The following CALY variants were observed in gnomAD, a reference collection of about 807,000 sequenced individuals.
CALY encodes neuron-specific vesicular protein calcyon.
CALY carries 15 observed loss-of-function variants against 20.2 expected under a neutral mutation model. The ratio of observed to expected loss-of-function variants is 0.74; its 90% CI spans 0.50 to 1.14. The LOEUF is 1.14. CALY is among the 50% of genes most tolerant of loss of function. CALY has a pLI of 0.00. For missense variants in CALY, 270 were observed against 304.4 expected, an observed-to-expected ratio of 0.89 and a Z score of 0.84; for synonymous variants, 129 against 131.8, an observed-to-expected ratio of 0.98 and a Z score of 0.15.
At chr10:133,332,237 C>T (rs180971807) in intron 1 of CALY, among the ~76,000 whole-genome samples, 14 of 152,284 alleles carry the variant, frequency 9.2e-5, no homozygotes, top group Non-Finnish European at 1.6e-4. Context: ...GAAAAAGTCC[C>T]ACGTGACACA....
At chr10:133,333,692 G>A (rs536452485) in intron 1 of CALY, among the ~76,000 whole-genome samples, 1 of 145,930 alleles carries the variant, frequency 6.9e-6, no homozygotes, top group East Asian at 2.1e-4. Flanking sequence ...GGCTCTGAGG[G>A]GGAAAGAAAG....
Position 133,325,800 on chromosome 10 carries a change from C to G in CALY, c.*27G>C. On this transcript the variant is annotated splice_region_variant and 3_prime_UTR_variant, in exon 5 of 6. Coordinates refer to ENST00000252939, the MANE Select transcript of CALY (RefSeq NM_015722.4). ...CGGAGCCCCGCGGCGCGCACCTACCCCGGGCCGGGCTGCGGGGCTGGAGAC... is the reference window on the plus strand; with the variant it reads ...CGGAGCCCCGCGGCGCGCACCTACCGCGGGCCGGGCTGCGGGGCTGGAGAC... The G allele has an allele frequency of 8.5e-7, 1 of 1,180,798 alleles. No individual in the cohort carries two copies. The highest frequency in any genetic ancestry group is 1.1e-6 in the Non-Finnish European group (1 of 950,168). 73.1% of individuals were successfully genotyped at this position (1,180,798 alleles called of 1,614,324 possible).
intron 2 of CALY, among the ~76,000 whole-genome samples, chr10:133,328,349 G>A (rs901191896): frequency 3.9e-5 from 6 of 152,174 alleles, no homozygotes; most frequent in African/African-American, 1.4e-4. Flanking sequence ...CGGGTCCCCA[G>A]CATAGATGCT....
intron 1 of CALY, among the ~76,000 whole-genome samples, chr10:133,336,608 AGAG>A (rs1848449614): frequency 6.6e-6 from 1 of 152,206 alleles, no homozygotes; most frequent in Non-Finnish European, 1.5e-5. Context: ...TGGGGCAGCC[AGAG>A]GAGGCCCGAG....
At chr10:133,330,654 T>A (rs1589854033) in intron 1 of CALY, among the ~76,000 whole-genome samples, 1 of 6,682 alleles carries the variant, frequency 1.5e-4, no homozygotes, top group Non-Finnish European at 7.0e-4. Flanking sequence ...AGAGACTCCG[T>A]CTCAAAAAAA....
At chr10:133,333,959 T>G in intron 1 of CALY, among the ~76,000 whole-genome samples, 1 of 36,600 alleles carries the variant, frequency 2.7e-5, no homozygotes, top group African/African-American at 1.5e-4. Flanking sequence ...GGGAAGGCTC[T>G]GAAGGGGAGG....
In CALY at chr10:133,324,521, C is replaced by G; in HGVS notation, c.*1074G>C. On this transcript the variant is annotated 3_prime_UTR_variant, in exon 6 of 6. Coordinates refer to ENST00000252939, the MANE Select transcript of CALY (RefSeq NM_015722.4). ...GGCTGGGGTGGGCGGGGCTGCAGTG[C>G]TGCAATTGGCTGGGGTGGGCGGGGC... is the stretch of plus-strand genomic sequence containing the variant. 2.6e-6 allele frequency: 1 copy of G among 379,346 alleles called. No individual in the cohort carries two copies. The highest frequency in any genetic ancestry group is 5.3e-6 in the Non-Finnish European group (1 of 187,750). The allele number at this position is 379,346 out of a possible 1,614,324, so 23.5% of individuals were successfully genotyped here.
chr10:133,330,809 C>T (rs929557876), intron 1 of CALY, among the ~76,000 whole-genome samples: 1 of 151,412 alleles, frequency 6.6e-6, no homozygotes, highest in African/African-American at 2.4e-5. Context: ...GAGCACTCAC[C>T]AGCTCCTGAG....
chr10:133,331,568 A>G (rs10857701), intron 1 of CALY, among the ~76,000 whole-genome samples: 2 of 152,090 alleles, frequency 1.3e-5, no homozygotes, highest in Non-Finnish European at 2.9e-5. Context: ...AAAAGAGCTG[A>G]GGAGCAGGGA....
intron 1 of CALY, among the ~76,000 whole-genome samples, 170 bp downstream of exon 1, chr10:133,336,664 G>T (rs924685689): frequency 6.6e-6 from 1 of 152,110 alleles, no homozygotes; most frequent in Non-Finnish European, 1.5e-5. Context: ...ACTCGCACCC[G>T]CACACGCGCC....
At position 133,329,379 on chromosome 10, in the gene CALY, T is replaced by TCTC. The variant is rs757885459; in HGVS notation, c.-20-371_-20-370insGAG. On this transcript the variant is annotated intron_variant, in intron 1 of 5. Transcript: ENST00000252939. ...ACAACCTCCTCTTTCTTATTCTCCTTCTTCTTCTTCTTCTTTTTTTTTTTT... is the reference window on the plus strand; with the variant it reads ...ACAACCTCCTCTTTCTTATTCTCCTTCTCCTTCTTCTTCTTCTTTTTTTTTTTT... Among the ~76,000 whole-genome samples the TCTC allele has an allele frequency of 2.1e-3, 250 of 120,200 alleles. 3 individuals are homozygous for TCTC. The highest frequency in any genetic ancestry group is 7.5e-3 in the African/African-American group (242 of 32,116). The allele number at this position is 120,200 out of a possible 152,430, so 78.9% of individuals were successfully genotyped here. A position where few individuals can be genotyped will look rare whatever the true frequency, so the allele number is the denominator to read the frequency against.
intron 2 of CALY, among the ~76,000 whole-genome samples, chr10:133,328,386 G>A (rs77098838): frequency 1.7e-3 from 265 of 152,266 alleles, no homozygotes; most frequent in Non-Finnish European, 3.3e-3. Context: ...GGGACAACTC[G>A]GGGTGCCCTT....
chr10:133,329,099 G>A (rs1848260710), intron 1 of CALY, 90 bp from the exon 2 acceptor site: 1 of 1,136,186 alleles, frequency 8.8e-7, no homozygotes, highest in Non-Finnish European at 1.2e-6. Flanking sequence ...CCTGAGCTGG[G>A]CCTAATGCTC....
intron 1 of CALY, among the ~76,000 whole-genome samples, chr10:133,333,159 C>G (rs1173656717): frequency 6.6e-6 from 1 of 151,592 alleles, no homozygotes; most frequent in Non-Finnish European, 1.5e-5. Context: ...GGTCACAGAG[C>G]TTCTGCCCAG....
rs1219774120 is a variant in CALY at position 133,324,345 on chromosome 10, G to A, written c.*1250C>T. 1.8e-5 allele frequency: 8 copies of A among 455,766 alleles called. No individual in the cohort carries two copies. The Admixed American group carries it at 1.9e-4, about 11-fold the overall frequency. 28.2% of individuals were successfully genotyped at this position (455,766 alleles called of 1,614,324 possible). A position where few individuals can be genotyped will look rare whatever the true frequency, so the allele number is the denominator to read the frequency against. ...CAGGCCCAGTTCACAGGCTTCCTGG[G>A]CACTGCCGCTGTTCCAAAGCAGGCC... On this transcript the variant is annotated 3_prime_UTR_variant, in exon 6 of 6. Transcript: ENST00000252939.
chr10:133,329,894 A>G (rs1848275060), intron 1 of CALY, among the ~76,000 whole-genome samples: 1 of 152,218 alleles, frequency 6.6e-6, no homozygotes, highest in African/African-American at 2.4e-5. Flanking sequence ...AGACGCACGA[A>G]GTGAGAAAGA....
chr10:133,324,666 G>A lies in CALY; in HGVS notation c.*929C>T, dbSNP rs957728269. On this transcript the variant is annotated 3_prime_UTR_variant, in exon 6 of 6. Coordinates refer to ENST00000252939, the MANE Select transcript of CALY (RefSeq NM_015722.4). ...GGGGCTGCAGAGCTGCTGCTGGCTG[G>A]GGTGGTGCAGGTGGTGGGTGAGATC... 1 of 361,714 alleles carries A rather than the reference G, an allele frequency of 2.8e-6. No individual in the cohort carries two copies. The highest frequency in any genetic ancestry group is 2.2e-5 in the African/African-American group (1 of 45,690). The allele number at this position is 361,714 out of a possible 1,614,324, so 22.4% of individuals were successfully genotyped here.
intron 1 of CALY, among the ~76,000 whole-genome samples, chr10:133,330,350 CAAAAAA>C (rs59986083): frequency 1.6e-4 from 6 of 36,750 alleles, no homozygotes; most frequent in African/African-American, 4.1e-4. Flanking sequence ...GAAACTCTGC[CAAAAAA>C]AAAAAAAAAA....
At chr10:133,335,338 A>G (rs61869899) in intron 1 of CALY, among the ~76,000 whole-genome samples, 13,755 of 152,174 alleles carry the variant, frequency 0.09, 763 homozygotes, top group Admixed American at 0.15. Flanking sequence ...CACGCCCCGG[A>G]GGGCCCGCGC....
Sources: gnomAD v4.1 joint callset for allele counts (sites outside exome capture counted in the v4.1 genomes callset) on GRCh38, gnomAD v4.1.1 for gene constraint, MANE v1.5 for transcripts, NCBI Gene and HGNC (gene_info 2026-07-23, HGNC 2026-07-21) for gene names.